Variants in PEX3 observed in about 807,000 individuals in gnomAD.
The protein encoded by PEX3 is peroxin-3.
In PEX3, 30 loss-of-function variants were observed where a neutral mutation model predicts 55.8. The ratio of observed to expected loss-of-function variants is 0.54; its 90% CI spans 0.40 to 0.73. The LOEUF (loss-of-function observed/expected upper bound fraction) is 0.73. Among genes scored for constraint, PEX3 ranks in the 30% least tolerant of loss-of-function variants. PEX3 has a pLI of 0.00. For missense variants in PEX3, 351 were observed against 432.8 expected, an observed-to-expected ratio of 0.81 and a Z score of 1.68; for synonymous variants, 135 against 148.4, an observed-to-expected ratio of 0.91 and a Z score of 0.66.
At chr6:143,468,289 T>C in intron 4 of PEX3, 124 bp downstream of exon 4, 1 of 677,098 alleles carries the variant, frequency 1.5e-6, no homozygotes, top group Non-Finnish European at 2.7e-6. Context: ...TTAAATAATA[T>C]AGTACAGGTA....
chr6:143,485,886 T>C lies in PEX3; in HGVS notation c.1038+638T>C, dbSNP rs1275074154. Among the ~76,000 whole-genome samples the C allele has an allele frequency of 6.6e-6, 1 of 152,122 alleles. No individual in the cohort carries two copies. The highest frequency in any genetic ancestry group is 1.5e-5 in the Non-Finnish European group (1 of 67,992). On this transcript the variant is annotated intron_variant, in intron 11 of 11. Coordinates refer to ENST00000367591, the MANE Select transcript of PEX3 (RefSeq NM_003630.3). The surrounding 1 kb of genome is among the most constrained non-coding windows in gnomAD (Gnocchi z 5.6). ...CTGAGTCATGTGCAAACTTGGAAAC[T>C]GTGTTATAAGTTAAAAAATTGTTTG...
In PEX3 at chr6:143,487,727, A is replaced by AT. The variant is rs910862559; in HGVS notation, c.1039-1405dup. The stretch of plus-strand genomic sequence containing the variant: ...CATTTTCTGAAGCTGACTTGCTAGT[A>AT]TTTTTTTTTTTATCTACTGTAACTA... On this transcript the variant is annotated intron_variant, in intron 11 of 11. Coordinates refer to ENST00000367591, the MANE Select transcript of PEX3 (RefSeq NM_003630.3). The surrounding 1 kb of genome is among the most constrained non-coding windows in gnomAD (Gnocchi z 5.3). Among the ~76,000 whole-genome samples the AT allele has an allele frequency of 1.5e-4, 22 of 146,828 alleles. No individual in the cohort carries two copies. The highest frequency in any genetic ancestry group is 4.0e-4 in the East Asian group (2 of 5,060).
chr6:143,479,039 A>G lies in PEX3; in HGVS notation c.819-37A>G, dbSNP rs759002342. On this transcript the variant is annotated intron_variant, in intron 9 of 11. Coordinates refer to ENST00000367591, the MANE Select transcript of PEX3 (RefSeq NM_003630.3). The surrounding 1 kb of genome is among the most constrained non-coding windows in gnomAD (Gnocchi z 4.6). ...TGAATTTGTTTTCTCTTCCATTCAG[A>G]GTCTAAAAAGTAACTTATACTTCTT... The G allele has an allele frequency of 7.4e-7, 1 of 1,346,802 alleles. No individual in the cohort carries two copies. The highest frequency in any genetic ancestry group is 1.2e-5 in the South Asian group (1 of 84,678). The allele number at this position is 1,346,802 out of a possible 1,614,324, so 83.4% of individuals were successfully genotyped here.
rs907102779 is a variant in PEX3 at position 143,486,059 on chromosome 6, G to C, written c.1038+811G>C. 3.3e-5 allele frequency among the ~76,000 whole-genome samples: 5 copies of C among 152,094 alleles called. No individual in the cohort carries two copies. The highest frequency in any genetic ancestry group is 9.7e-5 in the African/African-American group (4 of 41,408). ...CTTTTTACTCTTGGGAACGTGGAGA[G>C]CACTGAGACTAAGAGTTCGTTTCCT... On this transcript the variant is annotated intron_variant, in intron 11 of 11. Coordinates refer to ENST00000367591, the MANE Select transcript of PEX3 (RefSeq NM_003630.3). The surrounding 1 kb of genome is among the most constrained non-coding windows in gnomAD (Gnocchi z 5.0).
chr6:143,488,996 C>A lies in PEX3; in HGVS notation c.1039-147C>A. The A allele has an allele frequency of 1.6e-6, 1 of 613,856 alleles. No homozygotes were observed. The highest frequency in any genetic ancestry group is 2.9e-6 in the Non-Finnish European group (1 of 339,628). 38.0% of individuals were successfully genotyped at this position (613,856 alleles called of 1,614,324 possible). On this transcript the variant is annotated intron_variant, in intron 11 of 11. Transcript: ENST00000367591. The surrounding 1 kb of genome is among the most constrained non-coding windows in gnomAD (Gnocchi z 4.9). ...AATAACTATCTCCTAGAATTTATTA[C>A]AAGAAAAACTACTCATTTTCTTAAA...
rs994624256 is a variant in PEX3, at chr6:143,462,114, A to G, written c.206-802A>G. On this transcript the variant is annotated intron_variant, in intron 2 of 11. Coordinates refer to ENST00000367591, the MANE Select transcript of PEX3 (RefSeq NM_003630.3). This position sits in a 1 kb window ranked among gnomAD's most constrained non-coding sequence, Gnocchi z 4.1. ...CTCCAGCATTTCTTATTCCACATGTAGAGCCATAAATAAACTCCTAAAAAT... is the reference window on the plus strand; with the variant it reads ...CTCCAGCATTTCTTATTCCACATGTGGAGCCATAAATAAACTCCTAAAAAT... Among the ~76,000 whole-genome samples the G allele has an allele frequency of 6.6e-6, 1 of 152,164 alleles. No individual in the cohort carries two copies. The highest frequency in any genetic ancestry group is 1.5e-5 in the Non-Finnish European group (1 of 68,034).
At chr6:143,460,590 C>T (rs183179057) in intron 2 of PEX3, among the ~76,000 whole-genome samples, 409 of 152,264 alleles carry the variant, frequency 2.7e-3, no homozygotes, top group Non-Finnish European at 4.8e-3. Flanking sequence ...ATGGGCCAGG[C>T]ATGGTGGCTC....
intron 3 of PEX3, among the ~76,000 whole-genome samples, chr6:143,467,596 A>G (rs966464906): frequency 6.6e-6 from 1 of 152,126 alleles, no homozygotes; most frequent in African/African-American, 2.4e-5. Flanking sequence ...TGTAGATACT[A>G]TAAAAGACTA....
chr6:143,460,892 G>A (rs560120904), intron 2 of PEX3, among the ~76,000 whole-genome samples: 3 of 148,994 alleles, frequency 2.0e-5, no homozygotes, highest in South Asian at 2.1e-4. Flanking sequence ...AAAGTAAAAT[G>A]TAGCTGCTGG....
Position 143,475,932 on chromosome 6 carries a change from A to G in PEX3, c.818+1076A>G, listed in dbSNP as rs1325246672. The stretch of plus-strand genomic sequence containing the variant: ...ATTGGCTGTCTGTGGTATATTAGGT[A>G]CTGTTCTAAATGCTAGGTCTTCATC... On this transcript the variant is annotated intron_variant, in intron 9 of 11. Coordinates refer to ENST00000367591, the MANE Select transcript of PEX3 (RefSeq NM_003630.3). The surrounding 1 kb of genome is among the most constrained non-coding windows in gnomAD (Gnocchi z 4.4). 2.6e-5 allele frequency among the ~76,000 whole-genome samples: 4 copies of G among 152,224 alleles called. No individual in the cohort carries two copies. The highest frequency in any genetic ancestry group is 9.6e-5 in the African/African-American group (4 of 41,462).
At chr6:143,452,933 A>G (rs1455716296) in intron 1 of PEX3, among the ~76,000 whole-genome samples, 2 of 152,212 alleles carry the variant, frequency 1.3e-5, no homozygotes, top group African/African-American at 4.8e-5. Flanking sequence ...CATTGTGCTA[A>G]GCTCTTCCTA....
chr6:143,484,332 G>A (rs1260281929), intron 10 of PEX3, among the ~76,000 whole-genome samples: 3 of 152,088 alleles, frequency 2.0e-5, no homozygotes, highest in Admixed American at 1.3e-4. Flanking sequence ...GTTGGGCAAC[G>A]GGGAGAATTC....
chr6:143,480,303 T>C (rs1335512155), intron 10 of PEX3, among the ~76,000 whole-genome samples: 1 of 152,178 alleles, frequency 6.6e-6, no homozygotes, highest in African/African-American at 2.4e-5. Flanking sequence ...TATAGCAAGA[T>C]ATTCGTTATT....
Position 143,471,714 on chromosome 6 carries a change from T to C in PEX3, c.578+103T>C, listed in dbSNP as rs1230959107. The C allele has an allele frequency of 4.8e-6, 4 of 835,550 alleles. No homozygotes were observed. Among genetic ancestry groups the C allele is most frequent in the Non-Finnish European group, 8.3e-6 (4 of 480,302 alleles). 51.8% of individuals were successfully genotyped at this position (835,550 alleles called of 1,614,324 possible). A position where few individuals can be genotyped will look rare whatever the true frequency, so the allele number is the denominator to read the frequency against. ...CAGTGACTTGACAAACGGTGATTTG[T>C]GAAACTCTTTGTAATAAAATCAGAT... On this transcript the variant is annotated intron_variant, in intron 7 of 11. Transcript: ENST00000367591. This position sits in a 1 kb window ranked among gnomAD's most constrained non-coding sequence, Gnocchi z 5.4.
rs1458761150 is a variant in PEX3 at position 143,471,662 on chromosome 6, A to C, written c.578+51A>C. The C allele has an allele frequency of 7.9e-7, 1 of 1,265,664 alleles. No individual in the cohort carries two copies. Among genetic ancestry groups the C allele is most frequent in the Non-Finnish European group, 1.2e-6 (1 of 863,490 alleles). 78.4% of individuals were successfully genotyped at this position (1,265,664 alleles called of 1,614,324 possible). A position where few individuals can be genotyped will look rare whatever the true frequency, so the allele number is the denominator to read the frequency against. ...TGACTTCTTGATTCTAATGAGTGAAAGAAAATTAGAATTGTTCTAGTGAAA... is the reference window on the plus strand; with the variant it reads ...TGACTTCTTGATTCTAATGAGTGAACGAAAATTAGAATTGTTCTAGTGAAA... On this transcript the variant is annotated intron_variant, in intron 7 of 11. Transcript: ENST00000367591. This position sits in a 1 kb window ranked among gnomAD's most constrained non-coding sequence, Gnocchi z 5.4.
Position 143,463,120 on chromosome 6 carries a change from A to G in PEX3, c.287+123A>G. ...TAATGAAAGTTTATATAGGCTCAGT[A>G]AGAAAAATACTAACTATATCATTTA... On this transcript the variant is annotated intron_variant, in intron 3 of 11. Coordinates refer to ENST00000367591, the MANE Select transcript of PEX3 (RefSeq NM_003630.3). This position sits in a 1 kb window ranked among gnomAD's most constrained non-coding sequence, Gnocchi z 5.7. 2.8e-6 allele frequency: 2 copies of G among 723,716 alleles called. No individual in the cohort carries two copies. Among genetic ancestry groups the G allele is most frequent in the Non-Finnish European group, 4.9e-6 (2 of 406,704 alleles). The allele number at this position is 723,716 out of a possible 1,614,324, so 44.8% of individuals were successfully genotyped here. A position where few individuals can be genotyped will look rare whatever the true frequency, so the allele number is the denominator to read the frequency against.
At chr6:143,455,554 A>AT (rs1779835099) in intron 1 of PEX3, among the ~76,000 whole-genome samples, 1 of 151,886 alleles carries the variant, frequency 6.6e-6, no homozygotes, top group Non-Finnish European at 1.5e-5. Context: ...TAAAGGCTAC[A>AT]TTTTTAATTG....
Position 143,472,230 on chromosome 6 carries a change from G to T in PEX3, c.649G>T (p.Glu217Ter). ...QKLKEIRNLV[E>*]QHKSSSWINK... is the part of the protein sequence containing the mutation. ...ACTAAAAGAAATCAGAAATCTCGTT[G>T]AGCAGCATAAGTCTTCTTCTTGGAT... is the stretch of plus-strand genomic sequence containing the variant. The change falls in exon 8 of 12, where the codon GAG becomes TAG. Residue 217 changes from glutamate (E) to a stop codon, truncating the protein, a stop_gained. Transcript: ENST00000367591. LOFTEE classifies it high-confidence loss of function. The T allele has an allele frequency of 6.2e-7, 1 of 1,608,108 alleles. No homozygotes were observed. The highest frequency in any genetic ancestry group is 8.5e-7 in the Non-Finnish European group (1 of 1,174,870).
At position 143,485,707 on chromosome 6, in the gene PEX3, CAG is replaced by C. The variant is rs1367622926; in HGVS notation, c.1038+460_1038+461del. On this transcript the variant is annotated intron_variant, in intron 11 of 11. Transcript: ENST00000367591. This position sits in a 1 kb window ranked among gnomAD's most constrained non-coding sequence, Gnocchi z 5.6. ...ATATGCTCACTAAAAGCCACATAAA[CAG>C]TGGGTCATTTAAATGTTTTATCAGA... is the stretch of plus-strand genomic sequence containing the variant. Among the ~76,000 whole-genome samples, 1 of 151,420 alleles carries C rather than the reference CAG, an allele frequency of 6.6e-6. No individual in the cohort carries two copies. The highest frequency in any genetic ancestry group is 1.5e-5 in the Non-Finnish European group (1 of 67,518).
Sources: allele counts gnomAD v4.1 joint callset (sites outside exome capture counted in the v4.1 genomes callset), GRCh38; gene constraint gnomAD v4.1.1; non-coding constraint Gnocchi (gnomAD v3.1); transcripts MANE v1.5; gene names NCBI Gene and HGNC (gene_info 2026-07-23, HGNC 2026-07-21).